Variants in AGAP1 observed in about 807,000 individuals in gnomAD.
AGAP1 encodes ArfGAP with GTPase domain, ankyrin repeat and PH domain 1.
AGAP1 carries 29 observed loss-of-function variants against 105.3 expected under a neutral mutation model. The observed-to-expected ratio is 0.28, with a 90% CI of 0.21 to 0.38. The LOEUF is 0.38. AGAP1 is among the 10% of genes least tolerant of loss of function. AGAP1 has a pLI of 1.00. For synonymous variants in AGAP1, 509 were observed against 485.9 expected (o/e 1.05, Z -0.63); for missense variants, 998 against 1,165.1 (o/e 0.86, Z 2.09).
chr2:235,566,465 C>A lies in AGAP1; in HGVS notation c.163+71616C>A. 1 of 556,666 alleles carries A rather than the reference C, an allele frequency of 1.8e-6. No homozygotes were observed. The allele number at this position is 556,666 out of a possible 1,614,324, so 34.5% of individuals were successfully genotyped here. A position where few individuals can be genotyped will look rare whatever the true frequency, so the allele number is the denominator to read the frequency against. ...TTAACTCGAGATCAATATTGATTTACTGTTTTGTTTTTTTATTTCCAGATA... is the reference window on the plus strand; with the variant it reads ...TTAACTCGAGATCAATATTGATTTAATGTTTTGTTTTTTTATTTCCAGATA... On this transcript the variant is annotated intron_variant, in intron 1 of 17. Transcript: ENST00000304032. The surrounding 1 kb of genome is among the most constrained non-coding windows in gnomAD (Gnocchi z 5.2).
intron 1 of AGAP1, among the ~76,000 whole-genome samples, chr2:235,588,428 C>T (rs1189626404): frequency 6.6e-6 from 1 of 152,100 alleles, no homozygotes; most frequent in Non-Finnish European, 1.5e-5. Context: ...CCGTCACCTT[C>T]CTCACCCTTG....
In AGAP1 at chr2:236,120,628, C is replaced by G. The variant is rs1158643288; in HGVS notation, c.2370+181C>G. Reference sequence around the variant, plus strand: ...CCTTACGGAGAGACAGCCGGTCCTCCTTGTACAGTACTTGCTAGAGTTTCT... The same window carrying G: ...CCTTACGGAGAGACAGCCGGTCCTCGTTGTACAGTACTTGCTAGAGTTTCT... On this transcript the variant is annotated intron_variant, in intron 17 of 17. Transcript: ENST00000304032. This position sits in a 1 kb window ranked among gnomAD's most constrained non-coding sequence, Gnocchi z 6.0. 6.6e-6 allele frequency among the ~76,000 whole-genome samples: 1 copy of G among 152,212 alleles called. No individual in the cohort carries two copies. Among genetic ancestry groups the G allele is most frequent in the Non-Finnish European group, 1.5e-5 (1 of 68,034 alleles).
chr2:236,054,164 G>A (rs568564219), intron 16 of AGAP1, among the ~76,000 whole-genome samples: 4 of 152,234 alleles, frequency 2.6e-5, no homozygotes, highest in Non-Finnish European at 5.9e-5. Flanking sequence ...TGGAGATATT[G>A]ATAAAGGGGA....
chr2:235,845,956 C>T lies in AGAP1; in HGVS notation c.1051-37389C>T, dbSNP rs1961438651. ...TCCACTCACCCTTCAGCTGCAGCCA[C>T]AGGGTTGAAATCTTTCCCAGGCCCT... On this transcript the variant is annotated intron_variant, in intron 9 of 17. Coordinates refer to ENST00000304032, the MANE Select transcript of AGAP1 (RefSeq NM_001037131.3). This position sits in a 1 kb window ranked among gnomAD's most constrained non-coding sequence, Gnocchi z 4.8. 6.6e-6 allele frequency among the ~76,000 whole-genome samples: 1 copy of T among 152,110 alleles called. No individual in the cohort carries two copies. The highest frequency in any genetic ancestry group is 2.4e-5 in the African/African-American group (1 of 41,410).
rs1271213208 is a variant in AGAP1 at position 235,792,004 on chromosome 2, A to C, written c.674-5755A>C. 6.6e-6 allele frequency among the ~76,000 whole-genome samples: 1 copy of C among 152,184 alleles called. No individual in the cohort carries two copies. The highest frequency in any genetic ancestry group is 1.5e-5 in the Non-Finnish European group (1 of 68,038). On this transcript the variant is annotated intron_variant, in intron 6 of 17. Coordinates refer to ENST00000304032, the MANE Select transcript of AGAP1 (RefSeq NM_001037131.3). This position sits in a 1 kb window ranked among gnomAD's most constrained non-coding sequence, Gnocchi z 5.3. ...TGTTTAGTCTCATGTGAATTTCATCAGTGTGTCTATGGTGAGCATTTAAAA... is the reference window on the plus strand; with the variant it reads ...TGTTTAGTCTCATGTGAATTTCATCCGTGTGTCTATGGTGAGCATTTAAAA...
chr2:235,503,988 C>T (rs904840254), intron 1 of AGAP1, among the ~76,000 whole-genome samples: 3 of 152,160 alleles, frequency 2.0e-5, no homozygotes, highest in Admixed American at 6.5e-5. Flanking sequence ...CTGAAGCGAT[C>T]CTCCTGCCTT....
At chr2:235,501,427 T>G (rs1941557548) in intron 1 of AGAP1, among the ~76,000 whole-genome samples, 1 of 152,202 alleles carries the variant, frequency 6.6e-6, no homozygotes, top group Non-Finnish European at 1.5e-5. Flanking sequence ...TTACCAATAT[T>G]TCCAAGCTGA....
intron 6 of AGAP1, among the ~76,000 whole-genome samples, chr2:235,790,273 T>C (rs1230695977): frequency 6.6e-6 from 1 of 152,210 alleles, no homozygotes; most frequent in Non-Finnish European, 1.5e-5. Flanking sequence ...TTTTGGTAGC[T>C]TAGAATCATC....
chr2:235,712,381 A>G lies in AGAP1; in HGVS notation c.222+3144A>G, dbSNP rs1559384560. Among the ~76,000 whole-genome samples, 2 of 152,236 alleles carry G rather than the reference A, an allele frequency of 1.3e-5. No homozygotes were observed. Among genetic ancestry groups the G allele is most frequent in the Non-Finnish European group, 2.9e-5 (2 of 68,032 alleles). ...TGACCAGTTGCTTTTGGTGCTGCAC[A>G]GGAGCCAACCGCTGCTGGCTGCAGA... is the stretch of plus-strand genomic sequence containing the variant. On this transcript the variant is annotated intron_variant, in intron 2 of 17. Coordinates refer to ENST00000304032, the MANE Select transcript of AGAP1 (RefSeq NM_001037131.3). The surrounding 1 kb of genome is among the most constrained non-coding windows in gnomAD (Gnocchi z 6.0).
chr2:236,042,680 C>T lies in AGAP1; in HGVS notation c.1891+1839C>T, dbSNP rs879385135. 1.4e-4 allele frequency among the ~76,000 whole-genome samples: 21 copies of T among 151,954 alleles called. No homozygotes were observed. The highest frequency in any genetic ancestry group is 1.2e-3 in the Admixed American group (19 of 15,258). ...GCAAATCGGAGGTCGCAGGTCCTGT[C>T]TGAGATGAGCTTGTGCATGTGAGTG... is the stretch of plus-strand genomic sequence containing the variant. On this transcript the variant is annotated intron_variant, in intron 15 of 17. Transcript: ENST00000304032. The surrounding 1 kb of genome is among the most constrained non-coding windows in gnomAD (Gnocchi z 5.6).
chr2:235,774,153 CATAA>C (rs1955676830), intron 6 of AGAP1: 1 of 379,878 alleles, frequency 2.6e-6, no homozygotes, highest in Non-Finnish European at 5.3e-6. Flanking sequence ...AAATTCAACT[CATAA>C]ATAAATGCCC....
In AGAP1 at chr2:235,989,258, T is replaced by C. The variant is rs1239410442; in HGVS notation, c.1645+20635T>C. Among the ~76,000 whole-genome samples, 3 of 152,220 alleles carry C rather than the reference T, an allele frequency of 2.0e-5. No individual in the cohort carries two copies. The highest frequency in any genetic ancestry group is 1.3e-4 in the Admixed American group (2 of 15,288). On this transcript the variant is annotated intron_variant, in intron 13 of 17. Coordinates refer to ENST00000304032, the MANE Select transcript of AGAP1 (RefSeq NM_001037131.3). The surrounding 1 kb of genome is among the most constrained non-coding windows in gnomAD (Gnocchi z 4.4). ...TGACAGGTATTTATTGACCAGGTAC[T>C]GTGTAGAGGTCGCTGCTGCGTGTGG...
chr2:235,595,453 T>C (rs977273572), intron 1 of AGAP1, among the ~76,000 whole-genome samples: 5 of 152,208 alleles, frequency 3.3e-5, no homozygotes, highest in Non-Finnish European at 7.3e-5. Context: ...GCTGCTGCCT[T>C]AATGTGCCTG....
At chr2:235,497,719 C>T (rs1410987922) in intron 1 of AGAP1, among the ~76,000 whole-genome samples, 7 of 152,190 alleles carry the variant, frequency 4.6e-5, no homozygotes, top group Non-Finnish European at 1.0e-4. Context: ...CTCAGCCTCC[C>T]GAGTAGCTGG....
chr2:235,974,030 C>T (rs141728961), intron 13 of AGAP1, among the ~76,000 whole-genome samples: 27 of 152,312 alleles, frequency 1.8e-4, no homozygotes, highest in African/African-American at 5.1e-4. Context: ...CTAAAATGAA[C>T]GGTCTCTGCA....
rs2149292591 is a variant in AGAP1 at position 235,633,954 on chromosome 2, C to A, written c.164-75225C>A. On this transcript the variant is annotated intron_variant, in intron 1 of 17. Coordinates refer to ENST00000304032, the MANE Select transcript of AGAP1 (RefSeq NM_001037131.3). The surrounding 1 kb of genome is among the most constrained non-coding windows in gnomAD (Gnocchi z 4.8). ...TGGCTGCATCTGAGGGTGGCCTTTACTTTGGGGTATCAGTTTTCCGAGCCC... is the reference window on the plus strand; with the variant it reads ...TGGCTGCATCTGAGGGTGGCCTTTAATTTGGGGTATCAGTTTTCCGAGCCC... Among the ~76,000 whole-genome samples the A allele has an allele frequency of 6.6e-6, 1 of 152,230 alleles. No homozygotes were observed. Among genetic ancestry groups the A allele is most frequent in the African/African-American group, 2.4e-5 (1 of 41,552 alleles).
At chr2:235,579,537 A>T (rs889622922) in intron 1 of AGAP1, among the ~76,000 whole-genome samples, 6 of 152,124 alleles carry the variant, frequency 3.9e-5, no homozygotes, top group Non-Finnish European at 7.4e-5. Context: ...GCACTTTGGG[A>T]GGCCTAGGCG....
Position 235,752,193 on chromosome 2 carries a change from T to C in AGAP1, c.673+1705T>C, listed in dbSNP as rs116240494. ...TCATAAATAGACTTTTCTTCTTTTTTTTGGAGACAGAGTCTAGCTCTTTGC... is the reference window on the plus strand; with the variant it reads ...TCATAAATAGACTTTTCTTCTTTTTCTTGGAGACAGAGTCTAGCTCTTTGC... On this transcript the variant is annotated intron_variant, in intron 6 of 17. Transcript: ENST00000304032. This position sits in a 1 kb window ranked among gnomAD's most constrained non-coding sequence, Gnocchi z 4.3. 0.018 allele frequency among the ~76,000 whole-genome samples: 2,667 copies of C among 152,284 alleles called. 79 individuals carry two copies. Among genetic ancestry groups the C allele is most frequent in the African/African-American group, 0.061 (2,546 of 41,548 alleles).
At chr2:235,496,890 T>C (rs1011082421) in intron 1 of AGAP1, among the ~76,000 whole-genome samples, 1 of 152,174 alleles carries the variant, frequency 6.6e-6, no homozygotes, top group African/African-American at 2.4e-5. Flanking sequence ...CTTAGAATCA[T>C]TGGGTGAATC....
Sources: allele counts gnomAD v4.1 joint callset (sites outside exome capture counted in the v4.1 genomes callset), GRCh38; gene constraint gnomAD v4.1.1; non-coding constraint Gnocchi (gnomAD v3.1); transcripts MANE v1.5; gene names NCBI Gene and HGNC (gene_info 2026-07-23, HGNC 2026-07-21).